NCOA1: variants seen among roughly 807,000 people sequenced by gnomAD.
NCOA1 encodes the protein Hin-2 protein.
Under a neutral mutation model 150.9 loss-of-function variants are expected in NCOA1, and 35 were observed. That is an observed-to-expected ratio of 0.23 (90% CI 0.18 to 0.31). The LOEUF (loss-of-function observed/expected upper bound fraction) is 0.31. Among genes scored for constraint, NCOA1 ranks in the 10% least tolerant of loss-of-function variants. NCOA1 has a pLI of 1.00. For missense variants in NCOA1, 1,491 were observed against 1,749.3 expected, an observed-to-expected ratio of 0.85 and a Z score of 2.63; for synonymous variants, 590 against 630.0, an observed-to-expected ratio of 0.94 and a Z score of 0.95.
chr2:24,569,952 T>C (rs997755975), intron 2 of NCOA1, among the ~76,000 whole-genome samples: 1 of 150,284 alleles, frequency 6.7e-6, no homozygotes, highest in African/African-American at 2.4e-5. Context: ...CATGGAAAAA[T>C]ACTTCCCAGA....
At chr2:24,502,789 C>G (rs1363107423) in intron 1 of NCOA1, among the ~76,000 whole-genome samples, 2 of 152,158 alleles carry the variant, frequency 1.3e-5, no homozygotes, top group Admixed American at 1.3e-4. Context: ...TTTTGAAATT[C>G]TACCTATCCT....
chr2:24,743,771 A>G (rs1663737768), intron 19 of NCOA1, among the ~76,000 whole-genome samples: 1 of 152,224 alleles, frequency 6.6e-6, no homozygotes, highest in Non-Finnish European at 1.5e-5. Context: ...TTTTAGCAGC[A>G]TTCATAATAT....
intron 3 of NCOA1, among the ~76,000 whole-genome samples, chr2:24,605,531 A>C (rs1476449264): frequency 6.6e-6 from 1 of 152,120 alleles, no homozygotes; most frequent in East Asian, 1.9e-4. Flanking sequence ...TGAACAATTG[A>C]GCTATGAGTA....
intron 4 of NCOA1, among the ~76,000 whole-genome samples, chr2:24,653,565 G>A (rs1379550484): frequency 6.6e-6 from 1 of 151,964 alleles, no homozygotes; most frequent in Non-Finnish European, 1.5e-5. Flanking sequence ...TATTTATTTA[G>A]TTTCTCTATC....
At position 24,707,504 on chromosome 2, in the gene NCOA1, T is replaced by G; in HGVS notation, c.2034T>G (p.Ser678=). 6.2e-7 allele frequency: 1 copy of G among 1,614,230 alleles called. No individual in the cohort carries two copies. Among genetic ancestry groups the G allele is most frequent in the Non-Finnish European group, 8.5e-7 (1 of 1,180,038 alleles). Residue 678 remains serine, a synonymous_variant, in exon 13 of 23, where the codon TCT becomes TCG. Transcript: ENST00000348332. ...SANSSGGSCP[S]SHSSLTERHK... is the part of the protein sequence containing the mutation. ...ACTCTTCAGGAGGTTCTTGTCCCTC[T>G]TCTCATAGCTCATTGACAGAACGGC...
At chr2:24,570,353 G>A (rs1312697932) in intron 2 of NCOA1, among the ~76,000 whole-genome samples, 1 of 152,078 alleles carries the variant, frequency 6.6e-6, no homozygotes, top group Non-Finnish European at 1.5e-5. Context: ...TAATTGAATG[G>A]GCTCTGGTTG....
At chr2:24,756,007 G>A (rs1198563959) in intron 20 of NCOA1, among the ~76,000 whole-genome samples, 1 of 147,330 alleles carries the variant, frequency 6.8e-6, no homozygotes, top group Non-Finnish European at 1.5e-5. Context: ...GCCGAGGCAG[G>A]TTGATCATCT....
intron 8 of NCOA1, among the ~76,000 whole-genome samples, chr2:24,688,285 G>T (rs1194808320): frequency 6.6e-6 from 1 of 152,094 alleles, no homozygotes; most frequent in African/African-American, 2.4e-5. Context: ...TGAGATATTT[G>T]GGTTAAATAG....
intron 3 of NCOA1, among the ~76,000 whole-genome samples, chr2:24,601,392 A>T (rs1319568875): frequency 1.3e-5 from 2 of 151,990 alleles, no homozygotes; most frequent in African/African-American, 4.8e-5. Context: ...TTTTAAAAAA[A>T]TTTTTAGAGA....
At chr2:24,671,828 T>G (rs1221431585) in intron 6 of NCOA1, among the ~76,000 whole-genome samples, 1 of 152,184 alleles carries the variant, frequency 6.6e-6, no homozygotes, top group Non-Finnish European at 1.5e-5. Context: ...CTTCCCAAAG[T>G]GCTGGGATTA....
intron 10 of NCOA1, among the ~76,000 whole-genome samples, 174 bp downstream of exon 10, chr2:24,693,521 G>T (rs1672765203): frequency 6.6e-6 from 1 of 152,048 alleles, no homozygotes; most frequent in African/African-American, 2.4e-5. Context: ...TAGATACTAT[G>T]ATCATTATCA....
At chr2:24,709,634 A>C (rs1439168264) in intron 13 of NCOA1, among the ~76,000 whole-genome samples, 1 of 152,128 alleles carries the variant, frequency 6.6e-6, no homozygotes, top group Non-Finnish European at 1.5e-5. Flanking sequence ...CTTTTTGATG[A>C]GGTGAAGTTC....
chr2:24,613,585 GA>G (rs1339822375), intron 3 of NCOA1, among the ~76,000 whole-genome samples: 2 of 152,200 alleles, frequency 1.3e-5, no homozygotes, highest in African/African-American at 4.8e-5. Context: ...CTTAATCCAG[GA>G]GAGTGGGTAC....
chr2:24,545,118 A>G (rs1394924195), intron 1 of NCOA1, among the ~76,000 whole-genome samples: 1 of 152,206 alleles, frequency 6.6e-6, no homozygotes, highest in Non-Finnish European at 1.5e-5. Flanking sequence ...GTGACAACCC[A>G]GTAGCATGAG....
chr2:24,708,293 C>G (rs1184740156), intron 13 of NCOA1, among the ~76,000 whole-genome samples: 1 of 152,156 alleles, frequency 6.6e-6, no homozygotes, highest in Non-Finnish European at 1.5e-5. Context: ...AGGAGATGGA[C>G]AAGGTTACTT....
At chr2:24,590,403 T>C (rs556436257) in intron 3 of NCOA1, among the ~76,000 whole-genome samples, 4 of 152,320 alleles carry the variant, frequency 2.6e-5, no homozygotes, top group African/African-American at 9.6e-5. Flanking sequence ...AAACATATTA[T>C]AGTTATTTGA....
intron 3 of NCOA1, among the ~76,000 whole-genome samples, chr2:24,595,675 A>G (rs927758432): frequency 1.3e-5 from 2 of 152,284 alleles, no homozygotes; most frequent in Non-Finnish European, 1.5e-5. Flanking sequence ...AGGGGACACA[A>G]TGAGGCGTCC....
Position 24,671,792 on chromosome 2 carries a change from C to T in NCOA1, c.257-1574C>T, listed in dbSNP as rs549091685. ...GCCAGGCTGGTCTCCAACTCCTGAC[C>T]TCAGATGATCTGCCCATCTGATCAT... On this transcript the variant is annotated intron_variant, in intron 6 of 22. Transcript: ENST00000348332. 4.3e-4 allele frequency among the ~76,000 whole-genome samples: 65 copies of T among 152,252 alleles called. 1 individual carries two copies. The South Asian group carries it at 0.013, about 30-fold the overall frequency.
intron 4 of NCOA1, among the ~76,000 whole-genome samples, chr2:24,656,296 A>G (rs1178360611): frequency 2.6e-5 from 4 of 152,134 alleles, no homozygotes; most frequent in Admixed American, 1.3e-4. Flanking sequence ...CCCAAAGCCC[A>G]TGCTGGTTTT....
Sources: gnomAD v4.1 joint callset for allele counts (sites outside exome capture counted in the v4.1 genomes callset) on GRCh38, gnomAD v4.1.1 for gene constraint, MANE v1.5 for transcripts, NCBI Gene and HGNC (gene_info 2026-07-23, HGNC 2026-07-21) for gene names.